Variants in PCSK5 observed in about 807,000 individuals in gnomAD.
PCSK5 encodes proprotein convertase subtilisin/kexin type 5, also known as prohormone convertase 5.
In PCSK5, 129 loss-of-function variants were observed where a neutral mutation model predicts 233.2. The ratio of observed to expected loss-of-function variants is 0.55; its 90% CI spans 0.48 to 0.64. PCSK5 has a LOEUF of 0.64. PCSK5 is among the 30% of genes least tolerant of loss of function. PCSK5 has a pLI of 0.00. For synonymous variants in PCSK5, 825 were observed against 879.2 expected (o/e 0.94, Z 1.09); for missense variants, 2,076 against 2,430.1 (o/e 0.85, Z 3.06).
At chr9:76,248,102 A>AT (rs1409531369) in intron 24 of PCSK5, among the ~76,000 whole-genome samples, 2 of 151,442 alleles carry the variant, frequency 1.3e-5, no homozygotes, top group South Asian at 4.2e-4. Flanking sequence ...TTTTAAAAAA[A>AT]TTTTTTTTTA....
intron 2 of PCSK5, among the ~76,000 whole-genome samples, chr9:75,946,586 A>G (rs1301331029): frequency 6.6e-6 from 1 of 151,874 alleles, no homozygotes; most frequent in Admixed American, 6.6e-5. Flanking sequence ...TTTCCTCAAT[A>G]TTTACAATAT....
intron 13 of PCSK5, among the ~76,000 whole-genome samples, chr9:76,171,686 C>A (rs999684119): frequency 1.3e-5 from 2 of 152,250 alleles, no homozygotes; most frequent in Non-Finnish European, 2.9e-5. Context: ...TCTAGAGTTA[C>A]CTATTTCATA....
At chr9:76,196,211 C>G in intron 20 of PCSK5, among the ~76,000 whole-genome samples, 1 of 152,208 alleles carries the variant, frequency 6.6e-6, no homozygotes, top group East Asian at 1.9e-4. Flanking sequence ...GAACAGGGCC[C>G]ACCTGGTCCC....
intron 5 of PCSK5, among the ~76,000 whole-genome samples, chr9:76,032,326 A>C (rs900344449): frequency 6.6e-6 from 1 of 152,168 alleles, no homozygotes; most frequent in Admixed American, 6.5e-5. Flanking sequence ...CTGGGGAATC[A>C]ATGATGAAAT....
intron 20 of PCSK5, 61 bp downstream of exon 20, chr9:76,189,807 C>A: frequency 3.2e-6 from 2 of 628,496 alleles, no homozygotes; most frequent in South Asian, 1.8e-5. Context: ...ACTTTCAGGA[C>A]TAATATTTTT....
intron 22 of PCSK5, among the ~76,000 whole-genome samples, chr9:76,237,612 A>AC (rs1554710445): frequency 7.0e-6 from 1 of 142,884 alleles, no homozygotes; most frequent in Non-Finnish European, 1.6e-5. Context: ...TACAAAACAT[A>AC]CAAAAAAAAA....
chr9:76,023,240 G>A (rs1333142169), intron 3 of PCSK5, among the ~76,000 whole-genome samples: 1 of 152,190 alleles, frequency 6.6e-6, no homozygotes, highest in Non-Finnish European at 1.5e-5. Context: ...GACAGAGCTG[G>A]TGGCGGAGAG....
chr9:76,052,515 A>G (rs1829666207), intron 5 of PCSK5, among the ~76,000 whole-genome samples: 1 of 152,126 alleles, frequency 6.6e-6, no homozygotes. Context: ...ATTCACTATC[A>G]TGAGAACAGC....
At chr9:75,928,995 G>T (rs1022083241) in intron 1 of PCSK5, among the ~76,000 whole-genome samples, 1 of 151,924 alleles carries the variant, frequency 6.6e-6, no homozygotes, top group African/African-American at 2.4e-5. Context: ...GAGTGCAGTG[G>T]CACGATCTCG....
intron 3 of PCSK5, among the ~76,000 whole-genome samples, chr9:75,990,218 C>A (rs116927642): frequency 6.6e-6 from 1 of 152,134 alleles, no homozygotes; most frequent in Non-Finnish European, 1.5e-5. Flanking sequence ...TTCTGACCTC[C>A]GTAGGGTCCT....
At chr9:76,273,609 T>A (rs1481146562) in intron 24 of PCSK5, among the ~76,000 whole-genome samples, 2 of 137,042 alleles carry the variant, frequency 1.5e-5, no homozygotes, top group Non-Finnish European at 3.1e-5. Context: ...GTACTGCTTC[T>A]TGAAATTAAT....
chr9:76,236,569 T>C (rs1001273724), intron 22 of PCSK5, among the ~76,000 whole-genome samples: 5 of 152,218 alleles, frequency 3.3e-5, no homozygotes, highest in African/African-American at 1.2e-4. Context: ...AATTTATGCA[T>C]GGTATTTAAA....
chr9:76,045,777 A>C (rs1829345815), intron 5 of PCSK5, among the ~76,000 whole-genome samples: 1 of 152,228 alleles, frequency 6.6e-6, no homozygotes, highest in African/African-American at 2.4e-5. Context: ...TATGGTGGGC[A>C]CTGAAGTGAT....
Position 76,308,267 on chromosome 9 carries a change from A to G in PCSK5, c.3605-378A>G, listed in dbSNP as rs555058801. On this transcript the variant is annotated intron_variant, in intron 28 of 37. Coordinates refer to ENST00000674117, the MANE Select transcript of PCSK5 (RefSeq NM_001372043.1). ...CAATAGAAGTGATTACCTTTGACTC[A>G]TAAACTCATTCACAAGTGCATACAC... Among the ~76,000 whole-genome samples, 5 of 152,372 alleles carry G rather than the reference A, an allele frequency of 3.3e-5. No individual in the cohort carries two copies. The South Asian group carries it at 1.0e-3, about 32-fold the overall frequency.
intron 24 of PCSK5, among the ~76,000 whole-genome samples, chr9:76,249,153 A>G (rs1285659060): frequency 6.6e-6 from 1 of 152,196 alleles, no homozygotes; most frequent in Non-Finnish European, 1.5e-5. Context: ...GATGTTTCAG[A>G]CAGTTTTGAT....
chr9:75,898,089 C>A (rs935918932), intron 1 of PCSK5, among the ~76,000 whole-genome samples: 2 of 152,154 alleles, frequency 1.3e-5, no homozygotes, highest in Non-Finnish European at 2.9e-5. Context: ...TTCTTCATGG[C>A]AAAACCTACC....
chr9:76,113,100 C>G (rs1294345423), intron 9 of PCSK5, among the ~76,000 whole-genome samples: 2 of 152,184 alleles, frequency 1.3e-5, no homozygotes, highest in Admixed American at 6.6e-5. Flanking sequence ...TTAGTGACTT[C>G]TTTCTCCCAT....
intron 9 of PCSK5, among the ~76,000 whole-genome samples, chr9:76,127,354 A>C (rs1822550663): frequency 6.6e-6 from 1 of 152,172 alleles, no homozygotes; most frequent in Non-Finnish European, 1.5e-5. Context: ...ATATCAAACC[A>C]AAGAACATCT....
chr9:76,143,111 A>G (rs1823296972), intron 10 of PCSK5, among the ~76,000 whole-genome samples: 1 of 152,176 alleles, frequency 6.6e-6, no homozygotes, highest in African/African-American at 2.4e-5. Flanking sequence ...AGGGTTACCA[A>G]AAGTTGGGGA....
Sources: gnomAD v4.1 joint callset for allele counts (sites outside exome capture counted in the v4.1 genomes callset) on GRCh38, gnomAD v4.1.1 for gene constraint, MANE v1.5 for transcripts, NCBI Gene and HGNC (gene_info 2026-07-23, HGNC 2026-07-21) for gene names.